Variants in TMCO5A observed in about 807,000 individuals in gnomAD.
TMCO5A encodes the protein transmembrane and coiled-coil domain-containing protein 5A.
TMCO5A carries 34 observed loss-of-function variants against 42.3 expected under a neutral mutation model. The ratio of observed to expected loss-of-function variants is 0.80; its 90% CI spans 0.61 to 1.07. TMCO5A has a LOEUF of 1.07. Among genes scored for constraint, TMCO5A ranks in the 50% least tolerant of loss-of-function variants. TMCO5A has a pLI of 0.00. For synonymous variants in TMCO5A, 131 were observed against 115.6 expected (o/e 1.13, Z -0.86); for missense variants, 357 against 327.9 (o/e 1.09, Z -0.69).
intron 11 of TMCO5A, among the ~76,000 whole-genome samples, chr15:37,949,187 T>A (rs1245648325): frequency 6.6e-6 from 1 of 151,884 alleles, no homozygotes; most frequent in East Asian, 1.9e-4. Context: ...TTATAAAAAA[T>A]TATTACAAAA....
At chr15:38,005,252 CAG>C in the TMCO5A span, among the ~76,000 whole-genome samples, 1 of 96,508 alleles carries the variant, frequency 1.0e-5, no homozygotes, top group African/African-American at 4.4e-5. Flanking sequence ...TTTTGGAAAA[CAG>C]TACTTGACAG....
chr15:37,954,900 G>A (rs1308721787), downstream of TMCO5A, among the ~76,000 whole-genome samples: 1 of 151,894 alleles, frequency 6.6e-6, no homozygotes, highest in African/African-American at 2.4e-5. Context: ...TGGGTTATAA[G>A]ATAGTATTTG....
the TMCO5A span, among the ~76,000 whole-genome samples, chr15:37,983,729 T>G: frequency 1.3e-5 from 2 of 148,564 alleles, no homozygotes; most frequent in African/African-American, 5.2e-5. Flanking sequence ...GTTTTTTTTT[T>G]TGTTTTTTTT....
downstream of TMCO5A, among the ~76,000 whole-genome samples, chr15:37,972,704 G>C (rs1890698086): frequency 6.6e-6 from 1 of 152,068 alleles, no homozygotes; most frequent in Admixed American, 6.6e-5. Flanking sequence ...TATATAGCTT[G>C]CATATATTTT....
At chr15:37,981,878 C>T in the TMCO5A span, among the ~76,000 whole-genome samples, 2 of 152,132 alleles carry the variant, frequency 1.3e-5, no homozygotes, top group Non-Finnish European at 2.9e-5. Context: ...GCTGGCCTTC[C>T]CAACAGTGTC....
downstream of TMCO5A, among the ~76,000 whole-genome samples, chr15:37,968,649 C>T (rs1890613896): frequency 6.8e-6 from 1 of 146,834 alleles, no homozygotes; most frequent in African/African-American, 2.6e-5. Flanking sequence ...ATGACATTAT[C>T]TCAGCTCACT....
chr15:37,944,198 T>C (rs1002978281), intron 10 of TMCO5A: 1 of 152,152 alleles, frequency 6.6e-6, no homozygotes, highest in African/African-American at 2.4e-5. Context: ...TTTGGATATA[T>C]GTTAGGCCAT....
chr15:37,982,822 ATGTG>A, the TMCO5A span, among the ~76,000 whole-genome samples: 31 of 147,864 alleles, frequency 2.1e-4, no homozygotes, highest in African/African-American at 7.7e-4. Flanking sequence ...TCATATATAT[ATGTG>A]TGTGTATATA....
intron 8 of TMCO5A, 148 bp from the exon 9 acceptor site, chr15:37,942,043 T>C: frequency 4.2e-6 from 3 of 722,348 alleles, no homozygotes; most frequent in Admixed American, 2.5e-5. Context: ...TCAAGAGTAG[T>C]AGGGGGGTGA....
intron 11 of TMCO5A, among the ~76,000 whole-genome samples, chr15:37,958,112 C>T (rs903824225): frequency 1.1e-4 from 17 of 151,888 alleles, no homozygotes; most frequent in Admixed American, 2.0e-4. Context: ...AAGACTTAAA[C>T]GTAAGACCTA....
chr15:38,035,464 G>C, the TMCO5A span, among the ~76,000 whole-genome samples: 49 of 152,254 alleles, frequency 3.2e-4, no homozygotes, highest in African/African-American at 1.2e-3. Context: ...TTGAAAAGTA[G>C]AGCCTAAAAT....
chr15:37,968,119 A>C (rs1890599659), downstream of TMCO5A, among the ~76,000 whole-genome samples: 1 of 152,198 alleles, frequency 6.6e-6, no homozygotes, highest in Admixed American at 6.5e-5. Context: ...AAGTGCAGAT[A>C]ACAGTGTCCC....
At position 37,938,155 on chromosome 15, in the gene TMCO5A, T is replaced by C; in HGVS notation, c.316-3T>C. The C allele has an allele frequency of 6.4e-7, 1 of 1,569,686 alleles. No homozygotes were observed. Among genetic ancestry groups the C allele is most frequent in the Non-Finnish European group, 8.7e-7 (1 of 1,155,600 alleles). On this transcript the variant is annotated splice_polypyrimidine_tract_variant and splice_region_variant and intron_variant, in intron 5 of 11. Transcript: ENST00000319669. ...TTAGTATATTTTTTATTTGAAACTA[T>C]AGCTTACAAGGAAATCACAAAAGAT... is the stretch of plus-strand genomic sequence containing the variant.
At chr15:37,936,059 C>T (rs959004764) in intron 2 of TMCO5A, 1 of 290,540 alleles carries the variant, frequency 3.4e-6, no homozygotes, top group Admixed American at 5.1e-5. Flanking sequence ...CTCAAGAAAC[C>T]AGAGTGAAGG....
At chr15:37,963,366 G>T (rs1182672404) in intron 11 of TMCO5A, among the ~76,000 whole-genome samples, 1 of 152,040 alleles carries the variant, frequency 6.6e-6, no homozygotes, top group Non-Finnish European at 1.5e-5. Context: ...GGTTTTGAAG[G>T]TTCCTTTTGG....
chr15:37,972,207 GAGAA>G (rs1270634797), downstream of TMCO5A, among the ~76,000 whole-genome samples: 45 of 152,306 alleles, frequency 3.0e-4, no homozygotes, highest in African/African-American at 1.1e-3. Context: ...CAGCAGACAA[GAGAA>G]GAGAGCTTGC....
chr15:37,978,367 C>T, the TMCO5A span, among the ~76,000 whole-genome samples: 14 of 152,188 alleles, frequency 9.2e-5, no homozygotes, highest in African/African-American at 3.1e-4. Context: ...ACTCAGAGCT[C>T]GGTCCTAGGG....
At chr15:38,008,031 G>A in the TMCO5A span, among the ~76,000 whole-genome samples, 5 of 151,602 alleles carry the variant, frequency 3.3e-5, no homozygotes, top group African/African-American at 9.7e-5. Flanking sequence ...GGGTTGCTGG[G>A]ACTACAGGCG....
chr15:38,011,509 C>G, the TMCO5A span, among the ~76,000 whole-genome samples: 1 of 152,190 alleles, frequency 6.6e-6, no homozygotes, highest in East Asian at 1.9e-4. Context: ...AAGTGAGTCA[C>G]TAGGTCTAAG....
Sources: allele counts gnomAD v4.1 joint callset (sites outside exome capture counted in the v4.1 genomes callset), GRCh38; gene constraint gnomAD v4.1.1; transcripts MANE v1.5; gene names NCBI Gene and HGNC (gene_info 2026-07-23, HGNC 2026-07-21).